ELAC2: variants seen among roughly 807,000 people sequenced by gnomAD.
ELAC2 encodes the protein zinc phosphodiesterase ELAC protein 2.
ELAC2 carries 92 observed loss-of-function variants against 105.2 expected under a neutral mutation model. The ratio of observed to expected loss-of-function variants is 0.87; its 90% CI spans 0.74 to 1.04. ELAC2 has a LOEUF of 1.04. ELAC2 is among the 50% of genes least tolerant of loss of function. ELAC2 has a pLI of 0.00. For missense variants in ELAC2, 1,099 were observed against 1,071.7 expected (o/e 1.03, Z -0.36); for synonymous variants, 468 against 409.1 (o/e 1.14, Z -1.74).
intron 17 of ELAC2, 64 bp from the exon 18 acceptor site, chr17:12,996,042 C>T: frequency 6.5e-7 from 1 of 1,530,044 alleles, no homozygotes; most frequent in Non-Finnish European, 8.9e-7. Flanking sequence ...GGGTTAGGGT[C>T]TGCAGCCCTC....
rs752294942 is a variant in ELAC2 at position 12,994,868 on chromosome 17, A to G, written c.1925T>C (p.Val642Ala). 2 of 1,614,070 alleles carry G rather than the reference A, an allele frequency of 1.2e-6. No individual in the cohort carries two copies. The highest frequency in any genetic ancestry group is 1.7e-5 in the Admixed American group (1 of 60,030). Residue 642 changes from valine to alanine, a missense_variant, in exon 21 of 24, where the codon GTG (valine) becomes GCG (alanine). By Grantham distance (64) the Val-to-Ala change is moderately conservative. Coordinates refer to ENST00000338034, the MANE Select transcript of ELAC2 (RefSeq NM_018127.7). ...CDLEEFQTCL[V>A]RHCKHAFGCA... Reference sequence around the variant, plus strand: ...GCCAAACGCATGCTTGCAGTGCCGCACCAGACAGGTCTGAAACTGAAAGGG... The same window carrying G: ...GCCAAACGCATGCTTGCAGTGCCGCGCCAGACAGGTCTGAAACTGAAAGGG...
intron 17 of ELAC2, 154 bp from the exon 18 acceptor site, chr17:12,996,132 C>T: frequency 1.2e-6 from 1 of 841,130 alleles, no homozygotes; most frequent in East Asian, 2.7e-5. Flanking sequence ...GGCCGAGCCC[C>T]CTGCGCCATG....
intron 5 of ELAC2, among the ~76,000 whole-genome samples, chr17:13,013,990 T>C (rs1470146006): frequency 6.6e-6 from 1 of 152,012 alleles, no homozygotes; most frequent in African/African-American, 2.4e-5. Context: ...CAGCATGAGG[T>C]GGGAACACAG....
At chr17:12,994,376 T>TG in intron 22 of ELAC2, 49 bp downstream of exon 22, 2 of 1,600,088 alleles carry the variant, frequency 1.2e-6, no homozygotes, top group Non-Finnish European at 8.6e-7. Context: ...TGTCACGTAG[T>TG]GGGGGAGGGA....
At chr17:13,002,654 G>A in intron 12 of ELAC2, 75 bp from the exon 13 acceptor site, 4 of 1,551,444 alleles carry the variant, frequency 2.6e-6, no homozygotes, top group Non-Finnish European at 3.5e-6. Flanking sequence ...GCTGAGCTCA[G>A]GAGTGGTAAT....
In ELAC2 at chr17:12,996,307, G is replaced by C; in HGVS notation, c.1659+240C>G. On this transcript the variant is annotated intron_variant, in intron 17 of 23. Coordinates refer to ENST00000338034, the MANE Select transcript of ELAC2 (RefSeq NM_018127.7). ...GGCCGTGTGAGATTCAAGACTCAAG[G>C]AAGGCTGGGTAAACTCAAACCTGTC... is the stretch of plus-strand genomic sequence containing the variant. 4 of 662,002 alleles carry C rather than the reference G, an allele frequency of 6.0e-6. No homozygotes were observed. The South Asian group carries it at 7.3e-5, about 12-fold the overall frequency. The allele number at this position is 662,002 out of a possible 1,614,324, so 41.0% of individuals were successfully genotyped here.
At chr17:13,003,744 G>C in intron 11 of ELAC2, 170 bp from the exon 12 acceptor site, 1 of 636,870 alleles carries the variant, frequency 1.6e-6, no homozygotes, top group East Asian at 2.8e-5. Flanking sequence ...GCAGACCCCG[G>C]TGCTGGGCCA....
At chr17:13,003,726 T>A (rs997620470) in intron 11 of ELAC2, 152 bp from the exon 12 acceptor site, 5 of 691,150 alleles carry the variant, frequency 7.2e-6, no homozygotes, top group African/African-American at 3.5e-5. Flanking sequence ...CACAGCAGGC[T>A]GCTCACGGCA....
Position 13,002,362 on chromosome 17 carries a change from G to GAAAGAGACAA in ELAC2, c.1219-13_1219-4dup. ...ACACTGAGGGTGGGGCCCTCCTTCT[G>GAAAGAGACAA]AAAGAGACAAAACACATTCATGGAG... On this transcript the variant is annotated splice_polypyrimidine_tract_variant and splice_region_variant and intron_variant, in intron 13 of 23. Coordinates refer to ENST00000338034, the MANE Select transcript of ELAC2 (RefSeq NM_018127.7). 2 of 1,614,184 alleles carry GAAAGAGACAA rather than the reference G, an allele frequency of 1.2e-6. No homozygotes were observed. Among genetic ancestry groups the GAAAGAGACAA allele is most frequent in the South Asian group, 2.2e-5 (2 of 91,076 alleles).
At chr17:12,993,857 G>A (rs778787406) in intron 22 of ELAC2, 26 bp from the exon 23 acceptor site, 2 of 1,613,958 alleles carry the variant, frequency 1.2e-6, no homozygotes, top group South Asian at 1.1e-5. Context: ...AGAGCAGACT[G>A]AAGCTGAACT....
intron 11 of ELAC2, 70 bp from the exon 12 acceptor site, chr17:13,003,644 C>G: frequency 7.1e-7 from 1 of 1,412,968 alleles, no homozygotes; most frequent in Non-Finnish European, 1.0e-6. Flanking sequence ...ACCACGCAGC[C>G]AGGGAGGGGT....
chr17:13,016,565 G>A (rs992271491), intron 3 of ELAC2, among the ~76,000 whole-genome samples: 5 of 151,810 alleles, frequency 3.3e-5, no homozygotes, highest in South Asian at 2.1e-4. Context: ...CAGGAGGATC[G>A]CAGAAGTTTG....
At chr17:12,994,272 C>G (rs2040352090) in intron 22 of ELAC2, among the ~76,000 whole-genome samples, 153 bp downstream of exon 22, 1 of 152,188 alleles carries the variant, frequency 6.6e-6, no homozygotes, top group Non-Finnish European at 1.5e-5. Flanking sequence ...GGCCAAGAGC[C>G]TGTGAGCACT....
rs2040249751 is a variant in ELAC2 at position 12,992,828 on chromosome 17, C to A, written c.2471G>T (p.Arg824Ile). 6.2e-7 allele frequency: 1 copy of A among 1,611,504 alleles called. No individual in the cohort carries two copies. Among genetic ancestry groups the A allele is most frequent in the Admixed American group, 1.7e-5 (1 of 59,954 alleles). Residue 824 changes from arginine (R) to isoleucine (I), a missense_variant, in exon 24 of 24, where the codon AGA (arginine) becomes ATA (isoleucine). Physicochemically the swap from Arg to Ile is moderately conservative, Grantham distance 97. Coordinates refer to ENST00000338034, the MANE Select transcript of ELAC2 (RefSeq NM_018127.7). ...HTEEPQAKKV[R>I]AQ is the part of the protein sequence containing the mutation. ...GGGTCTCCCAGATCTTCACTGGGCT[C>A]TGACCTTCTTGGCCTGTGGCTCCTC...
chr17:12,997,298 G>C (rs2040524214), intron 16 of ELAC2, among the ~76,000 whole-genome samples: 1 of 152,182 alleles, frequency 6.6e-6, no homozygotes, highest in African/African-American at 2.4e-5. Context: ...CTGCTGTGCA[G>C]TCCATTTCAG....
intron 3 of ELAC2, 95 bp from the exon 4 acceptor site, chr17:13,015,927 T>C: frequency 1.1e-6 from 1 of 945,152 alleles, no homozygotes; most frequent in Non-Finnish European, 1.7e-6. Flanking sequence ...TTTATCTACA[T>C]CTCCACCTTC....
At chr17:13,004,683 C>T (rs113427477) in intron 11 of ELAC2, among the ~76,000 whole-genome samples, 39 of 152,332 alleles carry the variant, frequency 2.6e-4, no homozygotes, top group African/African-American at 8.7e-4. Context: ...AAATGATAAT[C>T]TGGGGCATTA....
intron 15 of ELAC2, among the ~76,000 whole-genome samples, chr17:12,999,126 GCTAT>G (rs1244144998): frequency 2.6e-5 from 4 of 152,212 alleles, no homozygotes; most frequent in Admixed American, 6.5e-5. Context: ...GGACCCACAG[GCTAT>G]CTGTCACCAA....
rs772199691 is a variant in ELAC2 at position 13,011,676 on chromosome 17, T to C, written c.666A>G (p.Pro222=). ...SSDSESNENE[P]HLPHGVSQRR... Reference sequence around the variant, plus strand: ...TTATACTATTACCATGTGGAAGGTGTGGCTCATTTTCATTCGACTCGGAGT... The same window carrying C: ...TTATACTATTACCATGTGGAAGGTGCGGCTCATTTTCATTCGACTCGGAGT... The change falls in exon 7 of 24, where the codon CCA becomes CCG. Residue 222 remains proline, a synonymous_variant. Transcript: ENST00000338034. 19 of 1,614,200 alleles carry C rather than the reference T, an allele frequency of 1.2e-5. No individual in the cohort carries two copies. The Admixed American group carries it at 3.2e-4, about 27-fold the overall frequency.
Sources: gnomAD v4.1 joint callset for allele counts (sites outside exome capture counted in the v4.1 genomes callset) on GRCh38, gnomAD v4.1.1 for gene constraint, MANE v1.5 for transcripts, NCBI Gene and HGNC (gene_info 2026-07-23, HGNC 2026-07-21) for gene names.